The following SRSF4 variants were observed in gnomAD, a reference collection of about 807,000 sequenced individuals.
The protein encoded by SRSF4 is serine and arginine rich splicing factor 4.
SRSF4 carries 12 observed loss-of-function variants against 48.8 expected under a neutral mutation model. The ratio of observed to expected loss-of-function variants is 0.25; its 90% CI spans 0.16 to 0.40. The LOEUF is 0.40. Among genes scored for constraint, SRSF4 ranks in the 10% least tolerant of loss-of-function variants. The probability of loss-of-function intolerance (pLI) is 1.00; values close to 1 mark genes in which losing one functional copy is unlikely to be tolerated. For missense variants in SRSF4, 466 were observed against 667.1 expected, an observed-to-expected ratio of 0.70 and a Z score of 3.32; for synonymous variants, 248 against 232.5, an observed-to-expected ratio of 1.07 and a Z score of -0.61.
At chr1:29,180,901 C>A (rs1044538507) in intron 1 of SRSF4, among the ~76,000 whole-genome samples, 6 of 152,240 alleles carry the variant, frequency 3.9e-5, no homozygotes, top group Non-Finnish European at 7.3e-5. Flanking sequence ...GACGCAGATA[C>A]TAGCCAGGGT....
chr1:29,181,580 C>A (rs2151831230), intron 1 of SRSF4, 66 bp downstream of exon 1: 1 of 1,372,490 alleles, frequency 7.3e-7, no homozygotes, highest in East Asian at 2.8e-5. Context: ...TCTCCCGTCC[C>A]CGCGGCCTCC....
chr1:29,158,576 C>G (rs1024911126), intron 3 of SRSF4, among the ~76,000 whole-genome samples: 4 of 152,032 alleles, frequency 2.6e-5, no homozygotes, highest in African/African-American at 9.7e-5. Flanking sequence ...ACTACAGGTG[C>G]CCACCACCAC....
intron 1 of SRSF4, among the ~76,000 whole-genome samples, chr1:29,162,898 A>T (rs1672619925): frequency 6.6e-6 from 1 of 152,228 alleles, no homozygotes. Flanking sequence ...TAGAAAGCCC[A>T]GTGGCCGCTG....
intron 4 of SRSF4, among the ~76,000 whole-genome samples, chr1:29,152,507 C>T (rs978929429): frequency 1.3e-5 from 2 of 152,168 alleles, no homozygotes; most frequent in South Asian, 2.1e-4. Context: ...ATATCTGGTC[C>T]TTCTCTGCCT....
chr1:29,174,347 C>T (rs1672801558), intron 1 of SRSF4, among the ~76,000 whole-genome samples: 1 of 152,020 alleles, frequency 6.6e-6, no homozygotes, highest in African/African-American at 2.4e-5. Flanking sequence ...AGGAATCTGC[C>T]CTAAGGCAAA....
intron 1 of SRSF4, among the ~76,000 whole-genome samples, chr1:29,179,898 T>C (rs773903558): frequency 6.6e-6 from 1 of 152,222 alleles, no homozygotes; most frequent in Non-Finnish European, 1.5e-5. Flanking sequence ...TATCAATACA[T>C]TTGGTTGATG....
At chr1:29,161,047 CTG>C (rs919770229) in intron 1 of SRSF4, among the ~76,000 whole-genome samples, 16 of 152,298 alleles carry the variant, frequency 1.1e-4, no homozygotes, top group African/African-American at 3.6e-4. Context: ...GAAAAAAAGA[CTG>C]GAGCTGTTTA....
At chr1:29,169,683 C>T (rs2151820854) in intron 1 of SRSF4, 2 of 152,014 alleles carry the variant, frequency 1.3e-5, no homozygotes, top group South Asian at 2.1e-4. Context: ...TAAAGTAAAC[C>T]AACTGCTGAA....
At chr1:29,175,630 G>A (rs1269506366) in intron 1 of SRSF4, among the ~76,000 whole-genome samples, 5 of 127,782 alleles carry the variant, frequency 3.9e-5, no homozygotes, top group Admixed American at 3.7e-4. Flanking sequence ...AGGAGGCGGA[G>A]CTTGCAGTGA....
intron 1 of SRSF4, among the ~76,000 whole-genome samples, chr1:29,176,951 T>C (rs1672877498): frequency 1.3e-5 from 2 of 152,202 alleles, no homozygotes; most frequent in African/African-American, 4.8e-5. Context: ...TAAATTTCAA[T>C]GATCTGGGGG....
intron 1 of SRSF4, chr1:29,170,996 A>G (rs1386460544): frequency 6.6e-6 from 1 of 152,234 alleles, no homozygotes; most frequent in East Asian, 1.9e-4. Flanking sequence ...AAACTCAAGT[A>G]AAACATTTCC....
chr1:29,177,456 T>C (rs925027933), intron 1 of SRSF4, among the ~76,000 whole-genome samples: 2 of 152,240 alleles, frequency 1.3e-5, no homozygotes, highest in Middle Eastern at 3.4e-3. Flanking sequence ...TAACTTTGTA[T>C]TTTTAGTAGA....
chr1:29,164,523 C>T (rs1175971900), intron 1 of SRSF4, among the ~76,000 whole-genome samples: 3 of 152,198 alleles, frequency 2.0e-5, no homozygotes, highest in Non-Finnish European at 2.9e-5. Flanking sequence ...TATGTATGCA[C>T]GTGTGTACAT....
chr1:29,168,533 G>A (rs904620868), intron 1 of SRSF4: 1 of 152,166 alleles, frequency 6.6e-6, no homozygotes, highest in African/African-American at 2.4e-5. Flanking sequence ...CTCTAAGCTG[G>A]GGGTATGTGA....
In SRSF4 at chr1:29,181,900, C is replaced by G. The variant is rs577094306; in HGVS notation, c.-148G>C. 2.1e-5 allele frequency: 11 copies of G among 535,548 alleles called. No homozygotes were observed. The highest frequency in any genetic ancestry group is 9.1e-5 in the Admixed American group (2 of 22,068). The allele number at this position is 535,548 out of a possible 1,614,324, so 33.2% of individuals were successfully genotyped here. On this transcript the variant is annotated 5_prime_UTR_variant, in exon 1 of 6. Transcript: ENST00000373795. ...AACCCCGGCGACGTACGCGAGCACG[C>G]AGCTCGCGAGCGCGCGCTTCCACTT...
rs547153088 is a variant in SRSF4, at chr1:29,148,257, G to A, written c.*153C>T. 1 of 1,142,062 alleles carries A rather than the reference G, an allele frequency of 8.8e-7. No individual in the cohort carries two copies. Among genetic ancestry groups the A allele is most frequent in the Non-Finnish European group, 1.3e-6 (1 of 782,602 alleles). The allele number at this position is 1,142,062 out of a possible 1,614,324, so 70.7% of individuals were successfully genotyped here. On this transcript the variant is annotated 3_prime_UTR_variant, in exon 6 of 6. Transcript: ENST00000373795. ...AGGCCTGGTGCCAGGAGGCTTTACT[G>A]AGAGGAAGCACTTAGATTTAACAAT...
At chr1:29,177,734 T>C (rs1033808092) in intron 1 of SRSF4, among the ~76,000 whole-genome samples, 1 of 152,106 alleles carries the variant, frequency 6.6e-6, no homozygotes, top group African/African-American at 2.4e-5. Context: ...GCAATCTACA[T>C]TAGCGATGCC....
At chr1:29,168,380 T>A (rs1035340288) in intron 1 of SRSF4, 2 of 152,140 alleles carry the variant, frequency 1.3e-5, no homozygotes, top group African/African-American at 4.8e-5. Flanking sequence ...CTGTGTACAA[T>A]CTTTTTTCAC....
intron 3 of SRSF4, among the ~76,000 whole-genome samples, chr1:29,155,786 C>A (rs994845754): frequency 1.5e-4 from 23 of 152,186 alleles, no homozygotes; most frequent in Non-Finnish European, 2.6e-4. Context: ...GGTCACTGTG[C>A]CCAGCCCATT....
Sources: allele counts gnomAD v4.1 joint callset (sites outside exome capture counted in the v4.1 genomes callset), GRCh38; gene constraint gnomAD v4.1.1; transcripts MANE v1.5; gene names NCBI Gene and HGNC (gene_info 2026-07-23, HGNC 2026-07-21).